Variants in MICOS10 observed in about 807,000 individuals in gnomAD.
The protein encoded by MICOS10 is mitochondrial contact site and cristae organizing system subunit 10.
MICOS10 carries 5 observed loss-of-function variants against 13.4 expected under a neutral mutation model. The observed-to-expected ratio is 0.37, with a 90% CI of 0.20 to 0.78. The LOEUF (loss-of-function observed/expected upper bound fraction) is 0.78. MICOS10 is among the 30% of genes least tolerant of loss of function. MICOS10 has a pLI of 0.47. For synonymous variants in MICOS10, 35 were observed against 33.6 expected (o/e 1.04, Z -0.15); for missense variants, 101 against 94.6 (o/e 1.07, Z -0.28).
chr1:19,600,809 C>T, intron 1 of MICOS10: 1 of 947,536 alleles, frequency 1.1e-6, no homozygotes. Context: ...ACCATGTTGC[C>T]CAGGCTGGTC....
At chr1:19,601,410 G>T (rs942119127) in intron 1 of MICOS10, 11 of 172,780 alleles carry the variant, frequency 6.4e-5, no homozygotes, top group Non-Finnish European at 1.3e-4. Context: ...TAGACCCATT[G>T]CAGCAAAAAA....
intron 1 of MICOS10, among the ~76,000 whole-genome samples, chr1:19,605,150 T>C (rs567873534): frequency 6.6e-6 from 1 of 152,160 alleles, no homozygotes; most frequent in African/African-American, 2.4e-5. Flanking sequence ...TATCACATGT[T>C]AATGCAGGAG....
chr1:19,601,582 A>C (rs1229047629), intron 1 of MICOS10, among the ~76,000 whole-genome samples: 18 of 151,802 alleles, frequency 1.2e-4, no homozygotes, highest in Non-Finnish European at 2.4e-4. Flanking sequence ...TTCTCAAAAA[A>C]AAAAAAAAAG....
intron 3 of MICOS10, chr1:19,625,775 GC>G: frequency 2.2e-6 from 2 of 890,240 alleles, no homozygotes; most frequent in Non-Finnish European, 3.0e-6. Context: ...TGTGTGTCCT[GC>G]TCCAAAATGG....
chr1:19,600,761 C>A (rs1200013685), intron 1 of MICOS10: 3 of 490,736 alleles, frequency 6.1e-6, no homozygotes, highest in Non-Finnish European at 1.1e-5. Context: ...ACCACCATAC[C>A]CATCTAACTT....
At chr1:19,613,265 A>G (rs962907749) in intron 1 of MICOS10, among the ~76,000 whole-genome samples, 1 of 152,174 alleles carries the variant, frequency 6.6e-6, no homozygotes, top group African/African-American at 2.4e-5. Context: ...GCTTCTTCAG[A>G]TCTGTCCTCA....
chr1:19,623,832 C>G lies in MICOS10; in HGVS notation c.222+249C>G, dbSNP rs1570510695. ...GTGCTAGCCGATTGGAATTAAGGAGCCTGCTTGAATGTTTATCATCAATGG... is the reference window on the plus strand; with the variant it reads ...GTGCTAGCCGATTGGAATTAAGGAGGCTGCTTGAATGTTTATCATCAATGG... On this transcript the variant is annotated intron_variant, in intron 3 of 3. Transcript: ENST00000322753. 2.2e-5 allele frequency: 7 copies of G among 324,206 alleles called. No homozygotes were observed. In the East Asian group the frequency reaches 3.6e-4, roughly 17 times the overall value. The allele number at this position is 324,206 out of a possible 1,614,324, so 20.1% of individuals were successfully genotyped here. A position where few individuals can be genotyped will look rare whatever the true frequency, so the allele number is the denominator to read the frequency against.
At position 19,626,968 on chromosome 1, in the gene MICOS10, G is replaced by A. The variant is rs970415250; in HGVS notation, c.*567G>A. 5 of 155,876 alleles carry A rather than the reference G, an allele frequency of 3.2e-5. No individual in the cohort carries two copies. Among genetic ancestry groups the A allele is most frequent in the Admixed American group, 6.2e-5 (1 of 16,102 alleles). 9.7% of individuals were successfully genotyped at this position (155,876 alleles called of 1,614,324 possible). On this transcript the variant is annotated 3_prime_UTR_variant, in exon 4 of 4. Coordinates refer to ENST00000322753, the MANE Select transcript of MICOS10 (RefSeq NM_001032363.4). Reference sequence around the variant, plus strand: ...ACTGCAAGGCGGTCCCACTGCTGCTGTATTAGCAGGGGAAGAATCCTGGCT... The same window carrying A: ...ACTGCAAGGCGGTCCCACTGCTGCTATATTAGCAGGGGAAGAATCCTGGCT...
chr1:19,600,110 T>G (rs2094808229), intron 1 of MICOS10, among the ~76,000 whole-genome samples: 1 of 152,110 alleles, frequency 6.6e-6, no homozygotes, highest in African/African-American at 2.4e-5. Flanking sequence ...CACAGTTACT[T>G]TTGCACCAAC....
chr1:19,608,918 ACTT>A (rs1200504693), intron 1 of MICOS10, among the ~76,000 whole-genome samples: 1 of 147,996 alleles, frequency 6.8e-6, no homozygotes, highest in African/African-American at 2.5e-5. Context: ...TCAGGCTACT[ACTT>A]CTGGCCTCAA....
chr1:19,611,554 G>T (rs2094861755), intron 1 of MICOS10, among the ~76,000 whole-genome samples: 2 of 139,522 alleles, frequency 1.4e-5, no homozygotes, highest in African/African-American at 5.6e-5. Flanking sequence ...TCTCACTGCA[G>T]CCTTGACCTC....
intron 1 of MICOS10, among the ~76,000 whole-genome samples, chr1:19,606,799 G>A (rs530459462): frequency 6.6e-6 from 1 of 152,110 alleles, no homozygotes; most frequent in Non-Finnish European, 1.5e-5. Context: ...CTTAGAAGCT[G>A]ACTTGCCTTA....
chr1:19,615,346 T>C (rs368613730), intron 1 of MICOS10, among the ~76,000 whole-genome samples: 90 of 142,398 alleles, frequency 6.3e-4, no homozygotes, highest in African/African-American at 2.6e-3. Flanking sequence ...TCCAAGTGTT[T>C]TACACATCTC....
intron 2 of MICOS10, 110 bp downstream of exon 2, chr1:19,622,257 ATC>A: frequency 4.0e-6 from 3 of 755,176 alleles, no homozygotes; most frequent in Non-Finnish European, 6.5e-6. Context: ...TTGCCAACCC[ATC>A]CATTTATGGG....
chr1:19,626,002 C>G (rs2094920610), intron 3 of MICOS10, among the ~76,000 whole-genome samples: 1 of 152,196 alleles, frequency 6.6e-6, no homozygotes, highest in South Asian at 2.1e-4. Context: ...AGAGATGTTA[C>G]TATCCTCATT....
intron 1 of MICOS10, among the ~76,000 whole-genome samples, chr1:19,609,298 C>T (rs766519938): frequency 2.0e-5 from 3 of 151,962 alleles, no homozygotes; most frequent in Non-Finnish European, 4.4e-5. Context: ...ATGAGATATA[C>T]CTACACACCC....
intron 1 of MICOS10, among the ~76,000 whole-genome samples, chr1:19,607,482 A>G (rs1452129657): frequency 6.6e-6 from 1 of 152,224 alleles, no homozygotes; most frequent in African/African-American, 2.4e-5. Flanking sequence ...TGGTGTAGTA[A>G]TATTTTTACT....
chr1:19,626,889 C>T lies in MICOS10; in HGVS notation c.*488C>T. ...TTAAGGCGCCTTTCCTTCTGTGGCA[C>T]CTCTTCGTGTGTTCTCACCTGGGGA... On this transcript the variant is annotated 3_prime_UTR_variant, in exon 4 of 4. Coordinates refer to ENST00000322753, the MANE Select transcript of MICOS10 (RefSeq NM_001032363.4). 1 of 168,486 alleles carries T rather than the reference C, an allele frequency of 5.9e-6. No homozygotes were observed. Among genetic ancestry groups the T allele is most frequent in the Non-Finnish European group, 1.3e-5 (1 of 76,870 alleles). 10.4% of individuals were successfully genotyped at this position (168,486 alleles called of 1,614,324 possible).
intron 1 of MICOS10, among the ~76,000 whole-genome samples, chr1:19,597,501 C>G (rs912393808): frequency 2.6e-5 from 4 of 152,196 alleles, no homozygotes; most frequent in African/African-American, 4.8e-5. Flanking sequence ...CCACGCTGCT[C>G]CCCGGCGGAA....
Sources: gnomAD v4.1 joint callset for allele counts (sites outside exome capture counted in the v4.1 genomes callset) on GRCh38, gnomAD v4.1.1 for gene constraint, MANE v1.5 for transcripts, NCBI Gene and HGNC (gene_info 2026-07-23, HGNC 2026-07-21) for gene names.